C10orf143: variants seen among roughly 807,000 people sequenced by gnomAD.
C10orf143 encodes chromosome 10 open reading frame 143.
In C10orf143 at chr10:130,065,508, A is replaced by C. The variant is rs1009127084; in HGVS notation, c.298-1125T>G. 4 of 153,094 alleles carry C rather than the reference A, an allele frequency of 2.6e-5. No individual in the cohort carries two copies. The highest frequency in any genetic ancestry group is 5.8e-5 in the Non-Finnish European group (4 of 68,834). 9.5% of individuals were successfully genotyped at this position (153,094 alleles called of 1,614,324 possible). A position where few individuals can be genotyped will look rare whatever the true frequency, so the allele number is the denominator to read the frequency against. On this transcript the variant is annotated intron_variant, in intron 3 of 3. Transcript: ENST00000637128. The surrounding 1 kb of genome is among the most constrained non-coding windows in gnomAD (Gnocchi z 4.2). ...CGGCTGGAGCAGGGGCTTGTGGCGC[A>C]CATGGCAGGGATGGGAGCAGCTGTC...
chr10:130,094,433 T>C (rs571322037), intron 1 of C10orf143, among the ~76,000 whole-genome samples: 48 of 152,244 alleles, frequency 3.2e-4, no homozygotes, highest in African/African-American at 1.1e-3. Context: ...AAAAAGAAAA[T>C]TTCAGGTCAA....
intron 1 of C10orf143, among the ~76,000 whole-genome samples, chr10:130,099,194 A>G (rs1425091438): frequency 6.6e-6 from 1 of 152,204 alleles, no homozygotes; most frequent in South Asian, 2.1e-4. Context: ...TCAATTTCCT[A>G]TATCTACATG....
At position 130,087,672 on chromosome 10, in the gene C10orf143, G is replaced by A. The variant is rs1271386401; in HGVS notation, c.70-7771C>T. Among the ~76,000 whole-genome samples, 6 of 152,154 alleles carry A rather than the reference G, an allele frequency of 3.9e-5. No individual in the cohort carries two copies. In the South Asian group the frequency reaches 6.2e-4, roughly 16 times the overall value. On this transcript the variant is annotated intron_variant, in intron 1 of 3. Coordinates refer to ENST00000637128, the MANE Select transcript of C10orf143 (RefSeq NM_001355042.2). ...TGAGTGAAGTGTCTATAAGGGATAG[G>A]GGGTTGAAGACCTAACAGTTTGCCA...
At chr10:130,038,684 C>T (rs1170844300) in intron 3 of C10orf143, among the ~76,000 whole-genome samples, 4 of 152,198 alleles carry the variant, frequency 2.6e-5, no homozygotes, top group African/African-American at 9.6e-5. Context: ...CAGGCTGAGC[C>T]ATGCCTGGGG....
chr10:130,106,822 T>C, intron 1 of C10orf143: 1 of 1,191,200 alleles, frequency 8.4e-7, no homozygotes, highest in South Asian at 1.2e-5. Context: ...TTCTAAATGA[T>C]AAAGAAAATC....
chr10:130,076,263 A>T (rs1861116121), intron 3 of C10orf143, among the ~76,000 whole-genome samples: 1 of 152,140 alleles, frequency 6.6e-6, no homozygotes, highest in Non-Finnish European at 1.5e-5. Flanking sequence ...GGAGCTATGT[A>T]CTGCGGGAGG....
In C10orf143 at chr10:130,040,897, G is replaced by A. The variant is rs576001315; in HGVS notation, c.298-4927C>T. On this transcript the variant is annotated intron_variant and NMD_transcript_variant, in intron 3 of 5. Coordinates refer to the C10orf143 transcript ENST00000643056. ...CCTATGGCTCAGTGAGGGGCACCAA[G>A]GGACATGAGGCTTCAGGAAGCTACA... 1.3e-4 allele frequency among the ~76,000 whole-genome samples: 20 copies of A among 151,928 alleles called. No individual in the cohort carries two copies. The East Asian group carries it at 3.9e-3, about 29-fold the overall frequency.
chr10:130,076,033 G>A (rs1253197943), intron 3 of C10orf143, among the ~76,000 whole-genome samples: 2 of 146,626 alleles, frequency 1.4e-5, no homozygotes, highest in Admixed American at 1.4e-4. Context: ...CTGTCACTCA[G>A]GCTGGAGTGC....
rs779747030 is a variant in C10orf143 at position 130,107,244 on chromosome 10, T to C, written c.69+3460A>G. ...ATGAAACTCTACAGGAAATTAACAG[T>C]AGAGGAAAATAGCCGGTTAGAGAAA... On this transcript the variant is annotated intron_variant, in intron 1 of 3. Transcript: ENST00000637128. 63 of 1,235,694 alleles carry C rather than the reference T, an allele frequency of 5.1e-5. No homozygotes were observed. In the East Asian group the frequency reaches 1.4e-3, roughly 28 times the overall value. 76.5% of individuals were successfully genotyped at this position (1,235,694 alleles called of 1,614,324 possible). A position where few individuals can be genotyped will look rare whatever the true frequency, so the allele number is the denominator to read the frequency against.
intron 1 of C10orf143, chr10:130,108,207 C>T (rs1328916443): frequency 6.4e-7 from 1 of 1,559,102 alleles, no homozygotes; most frequent in East Asian, 2.3e-5. Flanking sequence ...CCCCCACCTC[C>T]TCCAGGAACC....
chr10:130,047,617 C>T (rs1220505980), intron 3 of C10orf143, among the ~76,000 whole-genome samples: 4 of 152,314 alleles, frequency 2.6e-5, no homozygotes, highest in Non-Finnish European at 4.4e-5. Context: ...CAGACCCGGA[C>T]GAAGCCAGCT....
chr10:130,061,353 C>G (rs1446142189), downstream of C10orf143, among the ~76,000 whole-genome samples: 2 of 151,986 alleles, frequency 1.3e-5, no homozygotes, highest in East Asian at 3.8e-4. Context: ...GTTTTAAAAA[C>G]AAATTTGGAA....
At chr10:130,046,736 C>T (rs1235485381) in intron 3 of C10orf143, among the ~76,000 whole-genome samples, 1 of 152,238 alleles carries the variant, frequency 6.6e-6, no homozygotes, top group East Asian at 1.9e-4. Context: ...GGGCCATGCA[C>T]CTGAGGCCAC....
chr10:130,078,034 AATGATATTTACATATC>A (rs1861148200), intron 3 of C10orf143, among the ~76,000 whole-genome samples: 1 of 152,224 alleles, frequency 6.6e-6, no homozygotes, highest in Admixed American at 6.5e-5. Context: ...TTAACAAAAA[AATGATATTTACATATC>A]AATGAAGGTT....
At chr10:130,076,889 A>G (rs983822372) in intron 3 of C10orf143, among the ~76,000 whole-genome samples, 2 of 152,092 alleles carry the variant, frequency 1.3e-5, no homozygotes, top group Non-Finnish European at 2.9e-5. Flanking sequence ...ATCATCCTCT[A>G]CGAGACTTGC....
At chr10:130,087,706 A>G (rs1014641682) in intron 1 of C10orf143, among the ~76,000 whole-genome samples, 18 of 152,270 alleles carry the variant, frequency 1.2e-4, no homozygotes, top group Admixed American at 2.0e-4. Flanking sequence ...CAGAGATGAG[A>G]TTCAAAGCTT....
chr10:130,042,311 CAAAG>C (rs1860617200), intron 3 of C10orf143, among the ~76,000 whole-genome samples: 1 of 152,208 alleles, frequency 6.6e-6, no homozygotes, highest in Non-Finnish European at 1.5e-5. Context: ...ACTTAACTGA[CAAAG>C]GAAACATATT....
At chr10:130,054,791 A>G (rs1484498644) in intron 3 of C10orf143, among the ~76,000 whole-genome samples, 2 of 152,222 alleles carry the variant, frequency 1.3e-5, no homozygotes, top group African/African-American at 2.4e-5. Flanking sequence ...TGTTAAAGGC[A>G]TCACACTTTC....
chr10:130,073,086 G>T (rs1181059569), intron 3 of C10orf143, among the ~76,000 whole-genome samples: 2 of 152,068 alleles, frequency 1.3e-5, no homozygotes, highest in African/African-American at 4.8e-5. Flanking sequence ...TTTATTTCTT[G>T]ACCCCTCTTC....
Sources: allele counts gnomAD v4.1 joint callset (sites outside exome capture counted in the v4.1 genomes callset), GRCh38; gene constraint gnomAD v4.1.1; non-coding constraint Gnocchi (gnomAD v3.1); transcripts MANE v1.5; gene names NCBI Gene and HGNC (gene_info 2026-07-23, HGNC 2026-07-21).